PCDHGA2: variants seen among roughly 807,000 people sequenced by gnomAD.
PCDHGA2 encodes protocadherin gamma subfamily A, 2.
A neutral mutation model predicts 59.2 loss-of-function variants in PCDHGA2; 40 were observed. The observed-to-expected ratio is 0.68, with a 90% CI of 0.52 to 0.88. The LOEUF is 0.88. PCDHGA2 is among the 40% of genes least tolerant of loss of function. The pLI, the probability that PCDHGA2 is intolerant of heterozygous loss-of-function variation, is 0.00. For synonymous variants in PCDHGA2, 560 were observed against 526.0 expected, an observed-to-expected ratio of 1.06 and a Z score of -0.89; for missense variants, 1,226 against 1,204.0, an observed-to-expected ratio of 1.02 and a Z score of -0.27.
At chr5:141,395,194 C>G in intron 1 of PCDHGA2, 1 of 1,613,922 alleles carries the variant, frequency 6.2e-7, no homozygotes, top group Non-Finnish European at 8.5e-7. Flanking sequence ...TTGTTAACAT[C>G]CGTAGATTTT....
At chr5:141,372,999 A>T (rs978002014) in intron 1 of PCDHGA2, among the ~76,000 whole-genome samples, 9 of 152,148 alleles carry the variant, frequency 5.9e-5, no homozygotes, top group Non-Finnish European at 7.3e-5. Flanking sequence ...TTGTTCTTTC[A>T]TAGAAAGCCT....
At position 141,371,400 on chromosome 5, in the gene PCDHGA2, G is replaced by C. The variant is rs201084970; in HGVS notation, c.2424+30005G>C. 5.8e-5 allele frequency: 93 copies of C among 1,613,894 alleles called. No individual in the cohort carries two copies. Among genetic ancestry groups the C allele is most frequent in the African/African-American group, 2.7e-5 (2 of 74,938 alleles). Reference sequence around the variant, plus strand: ...CACTGCATATTGTAAAGTACAGATAGATATTTCAGATGAAAATGACAATGC... The same window carrying C: ...CACTGCATATTGTAAAGTACAGATACATATTTCAGATGAAAATGACAATGC... On this transcript the variant is annotated intron_variant, in intron 1 of 3. Transcript: ENST00000394576.
At chr5:141,343,990 G>A in intron 1 of PCDHGA2, 1 of 1,474,122 alleles carries the variant, frequency 6.8e-7, no homozygotes. Context: ...TCCGTCGTAG[G>A]AAACTGGAAC....
rs1214853229 is a variant in PCDHGA2 at position 141,432,238 on chromosome 5, GAA to G, written c.2425-62568_2425-62567del. ...CCCAGATCACTTATTCCCTGGCTGA[GAA>G]CACCATCCAAGGGGCAAGCCTATCG... On this transcript the variant is annotated intron_variant, in intron 1 of 3. Coordinates refer to ENST00000394576, the MANE Select transcript of PCDHGA2 (RefSeq NM_018915.4). The surrounding 1 kb of genome is among the most constrained non-coding windows in gnomAD (Gnocchi z 6.0). 1 of 1,614,216 alleles carries G rather than the reference GAA, an allele frequency of 6.2e-7. No homozygotes were observed. The highest frequency in any genetic ancestry group is 2.2e-5 in the East Asian group (1 of 44,882).
At chr5:141,393,334 C>A in intron 1 of PCDHGA2, 1 of 1,613,960 alleles carries the variant, frequency 6.2e-7, no homozygotes, top group Non-Finnish European at 8.5e-7. Flanking sequence ...CAGCTCAGCC[C>A]CAATCACCAC....
At chr5:141,389,919 C>T (rs777835466) in intron 1 of PCDHGA2, 22 of 1,613,962 alleles carry the variant, frequency 1.4e-5, no homozygotes, top group Middle Eastern at 1.6e-4. Context: ...CCGCCCCGAC[C>T]CCTCTGACCT....
intron 1 of PCDHGA2, among the ~76,000 whole-genome samples, chr5:141,450,099 C>T (rs2098669229): frequency 6.6e-6 from 1 of 151,500 alleles, no homozygotes; most frequent in African/African-American, 2.4e-5. Flanking sequence ...CTCCGCCTCC[C>T]AGGTTCAAAT....
At chr5:141,420,722 A>G (rs1428516588) in intron 1 of PCDHGA2, among the ~76,000 whole-genome samples, 1 of 152,226 alleles carries the variant, frequency 6.6e-6, no homozygotes, top group African/African-American at 2.4e-5. Context: ...CGTTCCTTTC[A>G]GTCGGTTAAA....
intron 1 of PCDHGA2, chr5:141,413,532 A>C (rs1269070438): frequency 9.9e-6 from 16 of 1,613,788 alleles, no homozygotes; most frequent in Non-Finnish European, 1.2e-5. Context: ...ACAGGGTGAA[A>C]CTTTTTGGGA....
At position 141,490,357 on chromosome 5, in the gene PCDHGA2, A is replaced by G; in HGVS notation, c.2425-4450A>G. ...AGTGGGCACAGTAGTGGGGTTGTTT[A>G]ATGTGCGAGACCGGGACTCAGGTAG... On this transcript the variant is annotated intron_variant, in intron 1 of 3. Transcript: ENST00000394576. This position sits in a 1 kb window ranked among gnomAD's most constrained non-coding sequence, Gnocchi z 5.4. The G allele has an allele frequency of 6.2e-7, 1 of 1,614,178 alleles. No individual in the cohort carries two copies. The highest frequency in any genetic ancestry group is 8.5e-7 in the Non-Finnish European group (1 of 1,180,030).
chr5:141,408,694 A>T (rs2095152952), intron 1 of PCDHGA2: 1 of 1,613,772 alleles, frequency 6.2e-7, no homozygotes, highest in African/African-American at 1.3e-5. Flanking sequence ...ATATAAACAT[A>T]AACTCAATTA....
At position 141,372,540 on chromosome 5, in the gene PCDHGA2, C is replaced by G. The variant is rs1208837944; in HGVS notation, c.2424+31145C>G. On this transcript the variant is annotated intron_variant, in intron 1 of 3. Transcript: ENST00000394576. Reference sequence around the variant, plus strand: ...GATTCTGGCAATCTCCCTGCGCCTGCGATGCTCCTCCAGACCCGCCACTGA... The same window carrying G: ...GATTCTGGCAATCTCCCTGCGCCTGGGATGCTCCTCCAGACCCGCCACTGA... The G allele has an allele frequency of 1.9e-6, 3 of 1,614,012 alleles. No homozygotes were observed. The highest frequency in any genetic ancestry group is 3.3e-5 in the Admixed American group (2 of 60,026).
rs566234229 is a variant in PCDHGA2, at chr5:141,351,445, G to A, written c.2424+10050G>A. On this transcript the variant is annotated intron_variant, in intron 1 of 3. Coordinates refer to ENST00000394576, the MANE Select transcript of PCDHGA2 (RefSeq NM_018915.4). Reference sequence around the variant, plus strand: ...CTTTCAAATTAGAATCCACCTCGAAGAATTATTACAAGCTGGTGATTGCTG... The same window carrying A: ...CTTTCAAATTAGAATCCACCTCGAAAAATTATTACAAGCTGGTGATTGCTG... 6.8e-6 allele frequency: 11 copies of A among 1,612,822 alleles called. No individual in the cohort carries two copies. In the Admixed American group the frequency reaches 1.8e-4, roughly 27 times the overall value.
chr5:141,469,756 A>G (rs2099210350), intron 1 of PCDHGA2, among the ~76,000 whole-genome samples: 1 of 152,252 alleles, frequency 6.6e-6, no homozygotes. Context: ...ACAAAAATAC[A>G]TATATACCAG....
intron 1 of PCDHGA2, chr5:141,376,375 T>G (rs896572311): frequency 8.7e-6 from 14 of 1,614,090 alleles, no homozygotes; most frequent in African/African-American, 2.7e-5. Flanking sequence ...CAGACTCGCG[T>G]AAGAGTCATC....
rs371690754 is a variant in PCDHGA2 at position 141,388,891 on chromosome 5, T to C, written c.2424+47496T>C. 1.9e-5 allele frequency: 31 copies of C among 1,613,872 alleles called. No individual in the cohort carries two copies. Among genetic ancestry groups the C allele is most frequent in the Middle Eastern group, 1.6e-4 (1 of 6,062 alleles). On this transcript the variant is annotated intron_variant, in intron 1 of 3. Coordinates refer to ENST00000394576, the MANE Select transcript of PCDHGA2 (RefSeq NM_018915.4). ...CAATGCACAGTGGAGGTAGAAGTCA[T>C]AGATGAAAATGACAACGCCCCAGAA... is the stretch of plus-strand genomic sequence containing the variant.
chr5:141,418,125 G>A (rs765373450), intron 1 of PCDHGA2: 2 of 1,614,086 alleles, frequency 1.2e-6, no homozygotes, highest in Middle Eastern at 1.7e-4. Flanking sequence ...GTGAAGGACC[G>A]AATAGACCGT....
At chr5:141,418,828 C>G in intron 1 of PCDHGA2, 1 of 1,613,978 alleles carries the variant, frequency 6.2e-7, no homozygotes, top group Non-Finnish European at 8.5e-7. Flanking sequence ...AAGCAAAAGA[C>G]CGAGGATCTC....
intron 1 of PCDHGA2, among the ~76,000 whole-genome samples, chr5:141,465,545 C>T (rs2099105349): frequency 6.6e-6 from 1 of 152,146 alleles, no homozygotes; most frequent in South Asian, 2.1e-4. Context: ...GGCATTTTTT[C>T]TGCTGAAGCT....
Sources: allele counts gnomAD v4.1 joint callset (sites outside exome capture counted in the v4.1 genomes callset), GRCh38; gene constraint gnomAD v4.1.1; non-coding constraint Gnocchi (gnomAD v3.1); transcripts MANE v1.5; gene names NCBI Gene and HGNC (gene_info 2026-07-23, HGNC 2026-07-21).